PCM1: variants seen among roughly 807,000 people sequenced by gnomAD.
The protein encoded by PCM1 is pericentriolar material 1.
Under a neutral mutation model 241.9 loss-of-function variants are expected in PCM1, and 157 were observed. That is an observed-to-expected ratio of 0.65 (90% CI 0.57 to 0.74). The LOEUF is 0.74. Among genes scored for constraint, PCM1 ranks in the 30% least tolerant of loss-of-function variants. The pLI is 0.00. For synonymous variants in PCM1, 1,085 were observed against 784.9 expected, an observed-to-expected ratio of 1.38 and a Z score of -6.39; for missense variants, 3,478 against 2,360.1, an observed-to-expected ratio of 1.47 and a Z score of -9.81.
chr8:17,925,624 C>G (rs1370600424), intron 2 of PCM1: 1 of 152,190 alleles, frequency 6.6e-6, no homozygotes, highest in African/African-American at 2.4e-5. Flanking sequence ...ATGACGAGGT[C>G]AGGAGATCAA....
chr8:18,011,632 G>A (rs1242061949), intron 33 of PCM1, 35 bp from the exon 34 acceptor site: 5 of 1,561,460 alleles, frequency 3.2e-6, no homozygotes, highest in Non-Finnish European at 4.3e-6. Flanking sequence ...ATTATGTGCT[G>A]AAATTTACTA....
chr8:18,000,682 C>G (rs889869087), intron 29 of PCM1, among the ~76,000 whole-genome samples: 51 of 152,190 alleles, frequency 3.4e-4, no homozygotes, highest in African/African-American at 1.2e-3. Context: ...AATGCAGTGG[C>G]GCGATCTCGG....
At chr8:17,990,061 A>G (rs2083993079) in intron 27 of PCM1, 82 bp downstream of exon 27, 1 of 1,170,368 alleles carries the variant, frequency 8.5e-7, no homozygotes, top group Admixed American at 3.1e-5. Flanking sequence ...TAAGGAAACA[A>G]GTCTAGAAAG....
chr8:18,011,442 G>T (rs773692803), intron 33 of PCM1, 76 bp downstream of exon 33: 2 of 1,284,624 alleles, frequency 1.6e-6, no homozygotes, highest in Non-Finnish European at 2.1e-6. Context: ...TTGGTGGAGT[G>T]TAACAAGTAT....
intron 2 of PCM1, among the ~76,000 whole-genome samples, chr8:17,930,821 A>G (rs576102757): frequency 6.6e-6 from 1 of 151,876 alleles, no homozygotes; most frequent in Non-Finnish European, 1.5e-5. Flanking sequence ...CGGAGCTTGT[A>G]GTGAGCCCAG....
At chr8:17,931,522 TGTG>T (rs886377036) in intron 2 of PCM1, among the ~76,000 whole-genome samples, 6 of 152,124 alleles carry the variant, frequency 3.9e-5, no homozygotes, top group Non-Finnish European at 1.5e-5. Flanking sequence ...TTCCTGACCT[TGTG>T]GTAACGCCGA....
At chr8:17,981,781 G>C (rs1268376239) in intron 24 of PCM1, among the ~76,000 whole-genome samples, 1 of 150,790 alleles carries the variant, frequency 6.6e-6, no homozygotes, top group Admixed American at 6.6e-5. Flanking sequence ...TTTTTGTTTT[G>C]TTTTTCAGTA....
chr8:17,949,073 C>T (rs1368583621), intron 7 of PCM1, among the ~76,000 whole-genome samples: 1 of 152,096 alleles, frequency 6.6e-6, no homozygotes, highest in Non-Finnish European at 1.5e-5. Flanking sequence ...TGAAAGTAAG[C>T]AGATAATTTC....
intron 29 of PCM1, among the ~76,000 whole-genome samples, chr8:18,002,587 C>G (rs537361784): frequency 1.3e-3 from 42 of 32,420 alleles, no homozygotes; most frequent in Non-Finnish European, 2.1e-3. Flanking sequence ...TGGGTATATA[C>G]CCAGTAATGG....
At chr8:17,949,375 C>G (rs1249502866) in intron 7 of PCM1, among the ~76,000 whole-genome samples, 1 of 151,950 alleles carries the variant, frequency 6.6e-6, no homozygotes, top group East Asian at 1.9e-4. Flanking sequence ...TTCTTCTCAG[C>G]ATAGAGTTTT....
At position 17,991,403 on chromosome 8, in the gene PCM1, C is replaced by G. The variant is rs180868113; in HGVS notation, c.4532-139C>G. The G allele has an allele frequency of 2.1e-5, 13 of 609,188 alleles. No individual in the cohort carries two copies. The East Asian group carries it at 2.5e-4, about 12-fold the overall frequency. 37.7% of individuals were successfully genotyped at this position (609,188 alleles called of 1,614,324 possible). A position where few individuals can be genotyped will look rare whatever the true frequency, so the allele number is the denominator to read the frequency against. ...AGTGTGACAATGTATATGAAGTGCTCAAGTAGTATAGTGTGTAGAACTTGT... is the reference window on the plus strand; with the variant it reads ...AGTGTGACAATGTATATGAAGTGCTGAAGTAGTATAGTGTGTAGAACTTGT... On this transcript the variant is annotated intron_variant, in intron 27 of 38. Transcript: ENST00000325083.
chr8:18,011,582 G>T, intron 33 of PCM1, 85 bp from the exon 34 acceptor site: 1 of 1,265,448 alleles, frequency 7.9e-7, no homozygotes, highest in Non-Finnish European at 1.1e-6. Flanking sequence ...TAAAGCATCT[G>T]TGCCATGCAG....
intron 18 of PCM1, 129 bp downstream of exon 18, chr8:17,964,897 T>G (rs1014149840): frequency 1.5e-6 from 1 of 675,320 alleles, no homozygotes; most frequent in African/African-American, 1.8e-5. Context: ...TTACACTAAC[T>G]ACTCAGAGTT....
chr8:17,960,557 C>T (rs891304959), intron 15 of PCM1, 113 bp downstream of exon 15: 1 of 412,802 alleles, frequency 2.4e-6, no homozygotes, highest in East Asian at 5.1e-5. Flanking sequence ...CAGAGTCTCA[C>T]TCTGTTGCCC....
At chr8:17,985,872 A>C (rs2082411904) in intron 25 of PCM1, 87 bp from the exon 26 acceptor site, 1 of 955,926 alleles carries the variant, frequency 1.0e-6, no homozygotes, top group South Asian at 2.2e-5. Context: ...TTTTCCTTCC[A>C]TCTGCTTTTA....
intron 23 of PCM1, among the ~76,000 whole-genome samples, chr8:17,978,999 C>T (rs2299599): frequency 2.3e-4 from 35 of 151,972 alleles, no homozygotes; most frequent in Non-Finnish European, 4.4e-4. Context: ...GCAGTTATGC[C>T]TGTAATCCCA....
At chr8:17,947,119 T>G in intron 6 of PCM1, 67 bp from the exon 7 acceptor site, 1 of 932,550 alleles carries the variant, frequency 1.1e-6, no homozygotes, top group Non-Finnish European at 1.6e-6. Context: ...TACTTTGCCA[T>G]TGATAATTGA....
At chr8:17,935,963 T>A (rs1256446234) in intron 3 of PCM1, among the ~76,000 whole-genome samples, 1 of 152,056 alleles carries the variant, frequency 6.6e-6, no homozygotes, top group East Asian at 1.9e-4. Flanking sequence ...TGCAGCTGGG[T>A]TTTAGGAAGG....
intron 24 of PCM1, among the ~76,000 whole-genome samples, chr8:17,984,075 C>T (rs2081836215): frequency 1.3e-5 from 2 of 152,088 alleles, no homozygotes; most frequent in Admixed American, 1.3e-4. Flanking sequence ...AAACTTTCCA[C>T]CTCTTGACTG....
Sources: gnomAD v4.1 joint callset for allele counts (sites outside exome capture counted in the v4.1 genomes callset) on GRCh38, gnomAD v4.1.1 for gene constraint, MANE v1.5 for transcripts, NCBI Gene and HGNC (gene_info 2026-07-23, HGNC 2026-07-21) for gene names.